MGAT4C: variants seen among roughly 807,000 people sequenced by gnomAD.
MGAT4C encodes the protein alpha-1,3-mannosyl-glycoprotein 4-beta-N-acetylglucosaminyltransferase C.
MGAT4C carries 19 observed loss-of-function variants against 40.1 expected under a neutral mutation model. The ratio of observed to expected loss-of-function variants is 0.47; its 90% CI spans 0.33 to 0.70. MGAT4C has a LOEUF of 0.70. MGAT4C is among the 30% of genes least tolerant of loss of function. MGAT4C has a pLI of 0.02. For missense variants in MGAT4C, 491 were observed against 563.2 expected (o/e 0.87, Z 1.30); for synonymous variants, 181 against 187.1 (o/e 0.97, Z 0.27).
intron 2 of MGAT4C, among the ~76,000 whole-genome samples, chr12:86,702,347 G>C (rs1950378034): frequency 6.6e-6 from 1 of 152,054 alleles, no homozygotes; most frequent in South Asian, 2.1e-4. Context: ...GCCTGGGCCA[G>C]ATTTTTAATG....
At chr12:86,429,973 C>T (rs1957001432) in intron 3 of MGAT4C, among the ~76,000 whole-genome samples, 1 of 152,086 alleles carries the variant, frequency 6.6e-6, no homozygotes, top group Non-Finnish European at 1.5e-5. Context: ...TATCTTTCTG[C>T]TCCACTGACA....
intron 2 of MGAT4C, among the ~76,000 whole-genome samples, chr12:86,037,514 A>G (rs892109560): frequency 3.3e-5 from 5 of 150,212 alleles, no homozygotes; most frequent in African/African-American, 1.2e-4. Flanking sequence ...GATTTCAAAG[A>G]ACATCTTTAT....
intron 1 of MGAT4C, among the ~76,000 whole-genome samples, chr12:86,083,182 T>C (rs1379272996): frequency 2.6e-5 from 4 of 152,050 alleles, no homozygotes; most frequent in Admixed American, 2.0e-4. Flanking sequence ...TTTAACTCTT[T>C]TACAAATTTT....
chr12:86,481,445 G>T (rs2136313504), intron 2 of MGAT4C, among the ~76,000 whole-genome samples: 1 of 152,156 alleles, frequency 6.6e-6, no homozygotes, highest in East Asian at 1.9e-4. Flanking sequence ...AGACATAAAT[G>T]TGTGTATTAC....
At position 86,540,126 on chromosome 12, in the gene MGAT4C, G is replaced by T. The variant is rs372398943; in HGVS notation, c.-228-104861C>A. 3.4e-4 allele frequency among the ~76,000 whole-genome samples: 52 copies of T among 152,250 alleles called. No individual in the cohort carries two copies. The South Asian group carries it at 0.011, about 32-fold the overall frequency. ...CTATGTCCTGAATGGTAATGCCTAG[G>T]TTTTCTTCTAGGGTTTTTATGGTTT... On this transcript the variant is annotated intron_variant, in intron 2 of 7. Transcript: ENST00000548651.
intron 1 of MGAT4C, among the ~76,000 whole-genome samples, chr12:86,770,673 A>G (rs1951616971): frequency 6.6e-6 from 1 of 152,118 alleles, no homozygotes; most frequent in African/African-American, 2.4e-5. Context: ...CACCATAAGC[A>G]TCAACTTATG....
intron 3 of MGAT4C, among the ~76,000 whole-genome samples, chr12:86,409,846 G>T (rs532389537): frequency 4.6e-5 from 7 of 151,998 alleles, no homozygotes; most frequent in African/African-American, 1.7e-4. Flanking sequence ...TAGGTATTTC[G>T]ATTTTCCCTA....
chr12:86,102,921 C>G (rs1173458038), intron 1 of MGAT4C, among the ~76,000 whole-genome samples: 3 of 151,902 alleles, frequency 2.0e-5, no homozygotes, highest in African/African-American at 7.3e-5. Flanking sequence ...GGAAAGTTAG[C>G]ACAAATGTAT....
intron 4 of MGAT4C, among the ~76,000 whole-genome samples, chr12:86,325,565 G>A (rs1215713045): frequency 6.6e-6 from 1 of 152,164 alleles, no homozygotes; most frequent in Non-Finnish European, 1.5e-5. Flanking sequence ...TAAAAGAGAT[G>A]TAGCATTAAA....
intron 3 of MGAT4C, among the ~76,000 whole-genome samples, chr12:86,373,282 T>A (rs930887371): frequency 6.6e-6 from 1 of 151,992 alleles, no homozygotes; most frequent in Non-Finnish European, 1.5e-5. Flanking sequence ...AAACTAAATA[T>A]GCTCAACCCT....
chr12:86,660,563 A>G (rs1022003248), intron 2 of MGAT4C, among the ~76,000 whole-genome samples: 1 of 152,174 alleles, frequency 6.6e-6, no homozygotes, highest in Non-Finnish European at 1.5e-5. Flanking sequence ...CTACAACATA[A>G]TTATTAAATA....
chr12:86,250,387 A>G (rs1952225341), intron 1 of MGAT4C, among the ~76,000 whole-genome samples: 1 of 151,024 alleles, frequency 6.6e-6, no homozygotes, highest in South Asian at 2.1e-4. Flanking sequence ...TAAAATAAAA[A>G]CATACTTTGC....
intron 4 of MGAT4C, among the ~76,000 whole-genome samples, chr12:86,301,112 T>A (rs1953799277): frequency 6.6e-6 from 1 of 152,216 alleles, no homozygotes; most frequent in Non-Finnish European, 1.5e-5. Context: ...TGCAATGTGT[T>A]GGTCCTCTTT....
intron 1 of MGAT4C, among the ~76,000 whole-genome samples, chr12:86,805,106 G>T (rs559917269): frequency 6.6e-6 from 1 of 152,008 alleles, no homozygotes; most frequent in Non-Finnish European, 1.5e-5. Flanking sequence ...TATTAATATT[G>T]TTTATGAATA....
intron 3 of MGAT4C, among the ~76,000 whole-genome samples, chr12:86,410,418 G>A (rs1010852328): frequency 3.3e-5 from 5 of 152,066 alleles, no homozygotes; most frequent in African/African-American, 7.2e-5. Context: ...AGAATTAAGC[G>A]ATATCTCTCC....
At chr12:86,129,793 T>C (rs1880898969) in intron 1 of MGAT4C, among the ~76,000 whole-genome samples, 1 of 13,582 alleles carries the variant, frequency 7.4e-5, no homozygotes, top group Non-Finnish European at 1.1e-4. Flanking sequence ...TCTCCTGACC[T>C]CGTGATCCGC....
intron 2 of MGAT4C, among the ~76,000 whole-genome samples, chr12:86,512,259 C>T (rs1434362376): frequency 6.6e-6 from 1 of 152,032 alleles, no homozygotes; most frequent in East Asian, 1.9e-4. Flanking sequence ...TATTAAATAA[C>T]AGATTTGGGT....
chr12:86,758,872 T>C (rs190813669), intron 1 of MGAT4C, among the ~76,000 whole-genome samples: 47 of 152,160 alleles, frequency 3.1e-4, no homozygotes, highest in African/African-American at 1.1e-3. Context: ...ACTTGAACGT[T>C]TGTCATTTAT....
chr12:85,998,843 C>T (rs1423181350), intron 2 of MGAT4C, among the ~76,000 whole-genome samples: 2 of 152,178 alleles, frequency 1.3e-5, no homozygotes, highest in African/African-American at 4.8e-5. Flanking sequence ...ACTGTTCCAA[C>T]CCCTGCCTGT....
Sources: gnomAD v4.1 joint callset for allele counts (sites outside exome capture counted in the v4.1 genomes callset) on GRCh38, gnomAD v4.1.1 for gene constraint, MANE v1.5 for transcripts, NCBI Gene and HGNC (gene_info 2026-07-23, HGNC 2026-07-21) for gene names.